Variants in MYO1H observed in about 807,000 individuals in gnomAD.
MYO1H encodes the protein unconventional myosin-Ih.
In MYO1H, 118 loss-of-function variants were observed where a neutral mutation model predicts 149.3. The observed-to-expected ratio is 0.79, with a 90% confidence interval of 0.68 to 0.92. MYO1H has a LOEUF of 0.92. Ranked by LOEUF, MYO1H falls within the 40% of genes least tolerant of loss-of-function variation. MYO1H has a pLI of 0.00. For missense variants in MYO1H, 1,212 were observed against 1,280.7 expected (o/e 0.95, Z 0.82); for synonymous variants, 447 against 465.2 (o/e 0.96, Z 0.50).
intron 1 of MYO1H, among the ~76,000 whole-genome samples, chr12:109,376,627 GCTCT>G (rs1253233540): frequency 6.6e-6 from 1 of 152,064 alleles, no homozygotes; most frequent in Non-Finnish European, 1.5e-5. Context: ...CTGATCCTGG[GCTCT>G]CTATTCTGTT....
At chr12:109,325,406 C>A in the MYO1H span, among the ~76,000 whole-genome samples, 2 of 152,116 alleles carry the variant, frequency 1.3e-5, no homozygotes, top group Admixed American at 1.3e-4. Flanking sequence ...GAAACTGGAA[C>A]CCTTCCTAAA....
intron 1 of MYO1H, among the ~76,000 whole-genome samples, chr12:109,383,854 G>A (rs184471177): frequency 6.6e-6 from 1 of 152,154 alleles, no homozygotes; most frequent in Non-Finnish European, 1.5e-5. Context: ...CACATACTGG[G>A]TCAAGCATTA....
chr12:109,319,069 C>G, the MYO1H span, among the ~76,000 whole-genome samples: 6 of 139,570 alleles, frequency 4.3e-5, no homozygotes, highest in Non-Finnish European at 9.1e-5. Flanking sequence ...CATCCATGTT[C>G]TAAGCGTATA....
the MYO1H span, among the ~76,000 whole-genome samples, chr12:109,324,937 G>A: frequency 1.3e-5 from 2 of 151,906 alleles, no homozygotes; most frequent in East Asian, 1.9e-4. Flanking sequence ...TGTTCTTATC[G>A]TTCAACTCCC....
At chr12:109,385,440 G>A (rs1267773666) in intron 1 of MYO1H, among the ~76,000 whole-genome samples, 8 of 151,770 alleles carry the variant, frequency 5.3e-5, no homozygotes, top group Admixed American at 3.9e-4. Flanking sequence ...CTACAGGCAC[G>A]CACTGCCACA....
intron 1 of MYO1H, 23 bp from the exon 2 acceptor site, chr12:109,388,660 G>A: frequency 1.3e-6 from 2 of 1,528,338 alleles, no homozygotes; most frequent in South Asian, 1.3e-5. Flanking sequence ...ATGAGCTGCT[G>A]AAGAATGTTC....
chr12:109,394,967 G>T (rs1169938368), intron 3 of MYO1H, among the ~76,000 whole-genome samples: 2 of 152,116 alleles, frequency 1.3e-5, no homozygotes, highest in African/African-American at 2.4e-5. Context: ...TCAGTGTGTT[G>T]CCCATGCTGG....
chr12:109,401,448 G>A, intron 6 of MYO1H, 176 bp downstream of exon 6: 1 of 618,082 alleles, frequency 1.6e-6, no homozygotes. Flanking sequence ...CTTATGCCTG[G>A]CAGCTATATC....
At chr12:109,388,028 A>AG (rs1220578826) in intron 1 of MYO1H, among the ~76,000 whole-genome samples, 1 of 152,228 alleles carries the variant, frequency 6.6e-6, no homozygotes, top group African/African-American at 2.4e-5. Context: ...TGACATCTGA[A>AG]GCCCATCCTT....
At position 109,443,311 on chromosome 12, in the gene MYO1H, CG is replaced by C. The variant is rs549364189; in HGVS notation, c.2689-202del. On this transcript the variant is annotated intron_variant, in intron 27 of 31. Coordinates refer to ENST00000310903, the Ensembl canonical transcript of MYO1H. ...GTATATATGTGTGTATATATGTGTA[CG>C]TATATATGTGTGTATGTATGTGTAC... Among the ~76,000 whole-genome samples, 43 of 115,402 alleles carry C rather than the reference CG, an allele frequency of 3.7e-4. 6 individuals are homozygous for C. In the East Asian group the frequency reaches 5.8e-3, roughly 15 times the overall value. 75.7% of individuals were successfully genotyped at this position (115,402 alleles called of 152,430 possible). A position where few individuals can be genotyped will look rare whatever the true frequency, so the allele number is the denominator to read the frequency against.
At chr12:109,442,374 T>G in intron 27 of MYO1H, 102 bp downstream of exon 27, 3 of 968,326 alleles carry the variant, frequency 3.1e-6, no homozygotes, top group Non-Finnish European at 4.9e-6. Flanking sequence ...AATGCAGGGG[T>G]GCAGCTGGGC....
intron 1 of MYO1H, among the ~76,000 whole-genome samples, chr12:109,352,294 C>G (rs1384348929): frequency 6.6e-6 from 1 of 152,174 alleles, no homozygotes; most frequent in African/African-American, 2.4e-5. Flanking sequence ...CCCTGGCTAA[C>G]AACGGCATGC....
the MYO1H span, among the ~76,000 whole-genome samples, chr12:109,311,536 A>G: frequency 6.6e-6 from 1 of 152,364 alleles, no homozygotes; most frequent in South Asian, 2.1e-4. Context: ...CATAAAATGC[A>G]AGGCTTAGGA....
At chr12:109,444,015 A>G (rs979104836) in intron 28 of MYO1H, among the ~76,000 whole-genome samples, 198 bp from the exon 29 acceptor site, 4 of 152,156 alleles carry the variant, frequency 2.6e-5, no homozygotes, top group African/African-American at 9.7e-5. Context: ...TCAAGTACCC[A>G]GGTTGGGCAA....
intron 20 of MYO1H, among the ~76,000 whole-genome samples, 199 bp downstream of exon 20, chr12:109,433,209 T>A (rs932587001): frequency 6.6e-6 from 1 of 152,178 alleles, no homozygotes; most frequent in African/African-American, 2.4e-5. Context: ...TGGGAGGAAA[T>A]GAAGTTATAA....
chr12:109,347,001 G>A (rs1376292957), upstream of MYO1H, among the ~76,000 whole-genome samples: 1 of 152,050 alleles, frequency 6.6e-6, no homozygotes, highest in African/African-American at 2.4e-5. Context: ...TTGTGTTAGG[G>A]GTTCTCCAAT....
intron 28 of MYO1H, 36 bp downstream of exon 28, chr12:109,443,685 G>C (rs1872349705): frequency 1.2e-6 from 2 of 1,610,062 alleles, no homozygotes; most frequent in Non-Finnish European, 1.7e-6. Flanking sequence ...AATGCACTGA[G>C]TTGACTCAAC....
chr12:109,435,405 C>T (rs1343821766), intron 21 of MYO1H, among the ~76,000 whole-genome samples: 3 of 152,178 alleles, frequency 2.0e-5, no homozygotes, highest in African/African-American at 7.2e-5. Context: ...GAGACCAGCC[C>T]CTTGAAATTA....
chr12:109,378,807 TA>T (rs996187749), intron 1 of MYO1H, among the ~76,000 whole-genome samples: 6 of 151,788 alleles, frequency 4.0e-5, no homozygotes, highest in South Asian at 2.1e-4. Context: ...GAGGGAGGGA[TA>T]GGGGTGGGTG....
Sources: allele counts gnomAD v4.1 joint callset (sites outside exome capture counted in the v4.1 genomes callset), GRCh38; gene constraint gnomAD v4.1.1; transcripts MANE v1.5; gene names NCBI Gene and HGNC (gene_info 2026-07-23, HGNC 2026-07-21).